KLHL32: variants seen among roughly 807,000 people sequenced by gnomAD.
KLHL32 encodes the protein kelch-like protein 32.
In KLHL32, 35 loss-of-function variants were observed where a neutral mutation model predicts 64.8. That is an observed-to-expected ratio of 0.54 (90% CI 0.41 to 0.72). KLHL32 has a LOEUF of 0.72. Ranked by LOEUF, KLHL32 falls within the 30% of genes least tolerant of loss-of-function variation. The probability of loss-of-function intolerance (pLI) is 0.00; values close to 1 mark genes in which losing one functional copy is unlikely to be tolerated. For synonymous variants in KLHL32, 259 were observed against 281.0 expected (o/e 0.92, Z 0.78); for missense variants, 589 against 768.5 (o/e 0.77, Z 2.76).
At chr6:97,049,376 A>G (rs1786467299) in intron 4 of KLHL32, among the ~76,000 whole-genome samples, 1 of 152,218 alleles carries the variant, frequency 6.6e-6, no homozygotes, top group Non-Finnish European at 1.5e-5. Context: ...GGCAGAGAGC[A>G]TCTACAATGA....
intron 1 of KLHL32, among the ~76,000 whole-genome samples, chr6:96,947,671 A>G (rs774375080): frequency 6.6e-6 from 1 of 152,220 alleles, no homozygotes; most frequent in Non-Finnish European, 1.5e-5. Context: ...AATAATGATT[A>G]AAACTAACAC....
rs1456213765 is a variant in KLHL32, at chr6:97,053,605, T to C, written c.313-11023T>C. Among the ~76,000 whole-genome samples the C allele has an allele frequency of 4.6e-5, 7 of 152,316 alleles. No homozygotes were observed. In the East Asian group the frequency reaches 1.3e-3, roughly 29 times the overall value. ...TGTTATATGTTATCTTTCTGCTTTC[T>C]TCGGATGCCCATTTTCTTCAGATGC... On this transcript the variant is annotated intron_variant, in intron 4 of 10. Transcript: ENST00000369261.
At chr6:97,033,648 T>C (rs1293109148) in intron 3 of KLHL32, among the ~76,000 whole-genome samples, 1 of 152,110 alleles carries the variant, frequency 6.6e-6, no homozygotes, top group African/African-American at 2.4e-5. Flanking sequence ...CAACCAACAA[T>C]AAACAAGGAT....
intron 3 of KLHL32, among the ~76,000 whole-genome samples, chr6:97,003,235 T>A (rs1779255870): frequency 6.6e-6 from 1 of 152,218 alleles, no homozygotes; most frequent in African/African-American, 2.4e-5. Context: ...GATTTCCATT[T>A]CTCAAATGAT....
chr6:96,937,543 C>T (rs1467470381), intron 1 of KLHL32, among the ~76,000 whole-genome samples: 3 of 152,208 alleles, frequency 2.0e-5, no homozygotes, highest in Non-Finnish European at 4.4e-5. Flanking sequence ...TGTGCCTCCA[C>T]TGCCCTGTCC....
chr6:96,905,907 G>T, the KLHL32 span, among the ~76,000 whole-genome samples: 1 of 152,158 alleles, frequency 6.6e-6, no homozygotes, highest in African/African-American at 2.4e-5. Flanking sequence ...AATGGTGAAG[G>T]ATACTCTGGG....
At chr6:97,009,220 A>G (rs1205000673) in intron 3 of KLHL32, among the ~76,000 whole-genome samples, 1 of 151,522 alleles carries the variant, frequency 6.6e-6, no homozygotes, top group African/African-American at 2.4e-5. Context: ...TTCAAGCACA[A>G]TAGAGTGGAA....
At position 97,114,342 on chromosome 6, in the gene KLHL32, T is replaced by C; in HGVS notation, c.1187T>C (p.Met396Thr). 1 of 1,614,190 alleles carries C rather than the reference T, an allele frequency of 6.2e-7. No homozygotes were observed. Among genetic ancestry groups the C allele is most frequent in the East Asian group, 2.2e-5 (1 of 44,866 alleles). ...CGGGAGCATTTTGTGCTGGGTGCCA[T>C]GGAGGAATACCTCTATGCAGTTGGG... ...NCREHFVLGA[M>T]EEYLYAVGGR... is the part of the protein sequence containing the mutation. The change falls in exon 7 of 11, where the codon ATG (methionine) becomes ACG (threonine). Residue 396 changes from methionine to threonine, a missense_variant. Transcript: ENST00000369261.
chr6:97,032,351 G>T (rs1783681438), intron 3 of KLHL32, among the ~76,000 whole-genome samples: 1 of 152,038 alleles, frequency 6.6e-6, no homozygotes, highest in Non-Finnish European at 1.5e-5. Context: ...TACCAATATG[G>T]TGTTCCTTTA....
At chr6:96,923,833 G>A (rs1768847078), upstream of KLHL32, among the ~76,000 whole-genome samples, 1 of 152,182 alleles carries the variant, frequency 6.6e-6, no homozygotes, top group Non-Finnish European at 1.5e-5. Flanking sequence ...GTTGGACTAA[G>A]GTTTTCAATT....
At chr6:97,101,292 C>T (rs1264833372) in intron 6 of KLHL32, among the ~76,000 whole-genome samples, 1 of 152,080 alleles carries the variant, frequency 6.6e-6, no homozygotes, top group Non-Finnish European at 1.5e-5. Context: ...AAAAATCTGT[C>T]TACAAAAGGC....
intron 1 of KLHL32, among the ~76,000 whole-genome samples, chr6:96,952,314 A>G (rs1417081894): frequency 5.3e-5 from 8 of 152,208 alleles, no homozygotes; most frequent in Admixed American, 4.6e-4. Flanking sequence ...GGCATTTTTT[A>G]AAAGAAGTTT....
upstream of KLHL32, among the ~76,000 whole-genome samples, chr6:96,924,294 G>A (rs957273671): frequency 1.3e-5 from 2 of 152,288 alleles, no homozygotes; most frequent in African/African-American, 4.8e-5. Context: ...CCCTGGGAAA[G>A]GAGTCTGGGG....
chr6:96,999,214 A>G (rs1778741531), intron 3 of KLHL32, among the ~76,000 whole-genome samples: 1 of 152,112 alleles, frequency 6.6e-6, no homozygotes, highest in Non-Finnish European at 1.5e-5. Flanking sequence ...TATGCGACAT[A>G]GGGACACCCC....
intron 3 of KLHL32, among the ~76,000 whole-genome samples, chr6:96,978,031 A>G (rs1021525602): frequency 6.6e-6 from 1 of 152,162 alleles, no homozygotes; most frequent in African/African-American, 2.4e-5. Flanking sequence ...AACACTTCAG[A>G]TTGTATGCAG....
the KLHL32 span, among the ~76,000 whole-genome samples, chr6:96,914,327 C>A: frequency 4.1e-3 from 628 of 152,054 alleles, 10 homozygotes; most frequent in African/African-American, 0.015. Context: ...GAAACTAATA[C>A]CAAAAATCCT....
intron 3 of KLHL32, among the ~76,000 whole-genome samples, chr6:96,981,355 A>AGTT (rs200562361): frequency 0.011 from 1,682 of 152,216 alleles, 38 homozygotes; most frequent in African/African-American, 0.039. Flanking sequence ...AGAGGTTTGT[A>AGTT]GTCTTTGAGG....
intron 6 of KLHL32, among the ~76,000 whole-genome samples, chr6:97,098,996 A>C (rs1182005789): frequency 6.6e-6 from 1 of 152,216 alleles, no homozygotes; most frequent in Non-Finnish European, 1.5e-5. Context: ...ATTTTATCTT[A>C]TAGGTTCGCT....
At chr6:97,029,181 A>G (rs535649854) in intron 3 of KLHL32, among the ~76,000 whole-genome samples, 5 of 152,256 alleles carry the variant, frequency 3.3e-5, no homozygotes, top group African/African-American at 4.8e-5. Context: ...TCGTTGAAAC[A>G]TGGCCACATT....
Sources: gnomAD v4.1 joint callset for allele counts (sites outside exome capture counted in the v4.1 genomes callset) on GRCh38, gnomAD v4.1.1 for gene constraint, MANE v1.5 for transcripts, NCBI Gene and HGNC (gene_info 2026-07-23, HGNC 2026-07-21) for gene names.